Variants in NOD1 observed in about 807,000 individuals in gnomAD.
The protein encoded by NOD1 is nucleotide-binding oligomerization domain-containing protein 1.
A neutral mutation model predicts 81.2 loss-of-function variants in NOD1; 70 were observed. That is an observed-to-expected ratio of 0.86 (90% CI 0.71 to 1.05). The LOEUF (loss-of-function observed/expected upper bound fraction) is 1.05, where lower values mean the gene tolerates loss of function less well. Among genes scored for constraint, NOD1 ranks in the 50% least tolerant of loss-of-function variants. The pLI is 0.00. For synonymous variants in NOD1, 508 were observed against 526.9 expected (o/e 0.96, Z 0.49); for missense variants, 1,233 against 1,228.0 (o/e 1.00, Z -0.06).
intron 8 of NOD1, 112 bp downstream of exon 8, chr7:30,446,855 A>G: frequency 1.2e-6 from 1 of 852,422 alleles, no homozygotes; most frequent in Admixed American, 2.6e-5. Context: ...TGGCCCTGGG[A>G]CAAGTGGAAG....
intron 1 of NOD1, among the ~76,000 whole-genome samples, chr7:30,462,712 G>A (rs1302397836): frequency 6.6e-6 from 1 of 152,096 alleles, no homozygotes; most frequent in Non-Finnish European, 1.5e-5. Context: ...ACTTTGGGAG[G>A]CCAAGGCAGG....
intron 1 of NOD1, among the ~76,000 whole-genome samples, chr7:30,473,020 A>G (rs1303743936): frequency 1.3e-5 from 2 of 152,244 alleles, no homozygotes; most frequent in African/African-American, 4.8e-5. Flanking sequence ...TGAAGCCCCA[A>G]AGTGCCAGAA....
intron 9 of NOD1, among the ~76,000 whole-genome samples, chr7:30,445,186 C>T (rs1192878267): frequency 2.2e-5 from 2 of 92,836 alleles, no homozygotes; most frequent in Non-Finnish European, 3.9e-5. Flanking sequence ...GGGTGCAGCG[C>T]ACCAGCATGG....
chr7:30,434,213 G>C (rs556120079), intron 11 of NOD1, among the ~76,000 whole-genome samples: 3 of 152,226 alleles, frequency 2.0e-5, no homozygotes, highest in Non-Finnish European at 4.4e-5. Context: ...GTTAACAGTA[G>C]AGATCGTATA....
Position 30,451,743 on chromosome 7 carries a change from G to A in NOD1, c.1674C>T (p.Cys558=). 1 of 1,613,836 alleles carries A rather than the reference G, an allele frequency of 6.2e-7. No individual in the cohort carries two copies. ...MPPAGAATTS[C]YPPFLPFQCL... ...ACTGGAACGGGAGGAAGGGAGGATA[G>A]CAGGACGTGGTCGCTGCCCCCGCAG... Residue 558 remains cysteine (C), a synonymous_variant, in exon 6 of 14, where the codon TGC becomes TGT. Transcript: ENST00000222823. The surrounding 1 kb of genome is among the most constrained non-coding windows in gnomAD (Gnocchi z 4.2).
chr7:30,433,081 G>C lies in NOD1; in HGVS notation c.2705+15C>G, dbSNP rs552687799. 544 of 1,576,368 alleles carry C rather than the reference G, an allele frequency of 3.5e-4. 6 individuals carry two copies. The South Asian group carries it at 5.5e-3, about 16-fold the overall frequency. ...AAAGTAGCACAGTCTGAAATTGTAA[G>C]GCTCTCTGAGTTACCATAAATGCTT... On this transcript the variant is annotated intron_variant, in intron 12 of 13. Transcript: ENST00000222823.
At chr7:30,433,303 C>A in intron 11 of NOD1, 124 bp from the exon 12 acceptor site, 1 of 701,614 alleles carries the variant, frequency 1.4e-6, no homozygotes, top group South Asian at 1.8e-5. Flanking sequence ...TTGCTGAGAA[C>A]CCAGAAAACA....
chr7:30,429,742 A>G (rs763193758), intron 12 of NOD1, among the ~76,000 whole-genome samples: 3 of 152,198 alleles, frequency 2.0e-5, no homozygotes, highest in Non-Finnish European at 4.4e-5. Flanking sequence ...CATAATCAAA[A>G]TATTTGGGGC....
chr7:30,429,667 T>G (rs1783773911), intron 12 of NOD1, among the ~76,000 whole-genome samples: 1 of 152,228 alleles, frequency 6.6e-6, no homozygotes, highest in Non-Finnish European at 1.5e-5. Flanking sequence ...TCTGTTTGTT[T>G]TTATAGTGAA....
intron 7 of NOD1, chr7:30,447,258 G>A (rs2128037592): frequency 3.0e-6 from 2 of 675,446 alleles, no homozygotes; most frequent in South Asian, 1.7e-5. Flanking sequence ...CCTGAGACAA[G>A]TCACGTTACC....
intron 1 of NOD1, chr7:30,460,715 G>A (rs1469797422): frequency 2.0e-6 from 2 of 981,904 alleles, no homozygotes; most frequent in African/African-American, 3.5e-5. Flanking sequence ...TGTGGGCAGT[G>A]AGGGAGCCCC....
rs1461644269 is a variant in NOD1 at position 30,467,257 on chromosome 7, C to T, written c.-351-7216G>A. On this transcript the variant is annotated intron_variant, in intron 1 of 13. Transcript: ENST00000222823. This position sits in a 1 kb window ranked among gnomAD's most constrained non-coding sequence, Gnocchi z 4.5. Reference sequence around the variant, plus strand: ...TGAATGTAAATGCAAAGAAAACCACCTGTGAGAAGACACACGGTGTGAGAA... The same window carrying T: ...TGAATGTAAATGCAAAGAAAACCACTTGTGAGAAGACACACGGTGTGAGAA... Among the ~76,000 whole-genome samples the T allele has an allele frequency of 6.6e-6, 1 of 152,198 alleles. No homozygotes were observed. Among genetic ancestry groups the T allele is most frequent in the Non-Finnish European group, 1.5e-5 (1 of 68,044 alleles).
chr7:30,467,723 CAG>C lies in NOD1; in HGVS notation c.-351-7684_-351-7683del, dbSNP rs1461427274. 1.3e-5 allele frequency among the ~76,000 whole-genome samples: 2 copies of C among 152,080 alleles called. No homozygotes were observed. The highest frequency in any genetic ancestry group is 2.9e-5 in the Non-Finnish European group (2 of 68,020). On this transcript the variant is annotated intron_variant, in intron 1 of 13. Transcript: ENST00000222823. The surrounding 1 kb of genome is among the most constrained non-coding windows in gnomAD (Gnocchi z 4.5). ...TTTTGTTTGTTTGTTTGTTTTGAGA[CAG>C]AGTTTCACTCTTGTCACCCAGGCTG...
At chr7:30,450,034 A>T (rs1785522408) in intron 6 of NOD1, among the ~76,000 whole-genome samples, 1 of 152,232 alleles carries the variant, frequency 6.6e-6, no homozygotes, top group South Asian at 2.1e-4. Context: ...CCTACTAAAA[A>T]TACAAAAAAC....
chr7:30,454,969 C>A lies in NOD1; in HGVS notation c.376+168G>T, dbSNP rs56044411. 4.4e-3 allele frequency among the ~76,000 whole-genome samples: 670 copies of A among 152,328 alleles called. 13 individuals are homozygous for A. In the East Asian group the frequency reaches 0.058, roughly 13 times the overall value. ...CGAGGTGTGGGCAGTTCAATCGCAG[C>A]CACCTGGGCTGCACTTGGGAGACAG... On this transcript the variant is annotated intron_variant, in intron 5 of 13. Coordinates refer to ENST00000222823, the MANE Select transcript of NOD1 (RefSeq NM_006092.4).
intron 10 of NOD1, among the ~76,000 whole-genome samples, chr7:30,437,330 C>A (rs1263107785): frequency 6.6e-6 from 1 of 152,152 alleles, no homozygotes; most frequent in Non-Finnish European, 1.5e-5. Context: ...CCATGGCATG[C>A]ATTTGCCTAT....
chr7:30,434,961 G>A (rs1784258854), intron 11 of NOD1, among the ~76,000 whole-genome samples: 1 of 151,306 alleles, frequency 6.6e-6, no homozygotes, highest in Non-Finnish European at 1.5e-5. Context: ...TGTAGATAGA[G>A]GGTCTCGCTA....
chr7:30,455,227 C>T lies in NOD1; in HGVS notation c.286G>A (p.Ala96Thr). The change falls in exon 5 of 14, where the codon GCC becomes ACC. Residue 96 changes from alanine to threonine, a missense_variant. Coordinates refer to ENST00000222823, the MANE Select transcript of NOD1 (RefSeq NM_006092.4). ...FLYLLQQLAD[A>T]YVDLRPWLLE... The stretch of plus-strand genomic sequence containing the variant: ...AGCCAAGGCCTGAGGTCCACGTAGG[C>T]ATCTGCGAGTTGCTGGAGCAAGTAG... The T allele has an allele frequency of 1.2e-6, 2 of 1,614,162 alleles. No individual in the cohort carries two copies. The highest frequency in any genetic ancestry group is 1.7e-6 in the Non-Finnish European group (2 of 1,180,034).
At chr7:30,428,831 AAAG>A (rs1783694762) in intron 13 of NOD1, among the ~76,000 whole-genome samples, 1 of 152,196 alleles carries the variant, frequency 6.6e-6, no homozygotes, top group African/African-American at 2.4e-5. Context: ...GGGAGGCAAG[AAAG>A]AAGTGGCATG....
Sources: gnomAD v4.1 joint callset for allele counts (sites outside exome capture counted in the v4.1 genomes callset) on GRCh38, gnomAD v4.1.1 for gene constraint, Gnocchi (gnomAD v3.1) non-coding constraint, MANE v1.5 for transcripts, NCBI Gene and HGNC (gene_info 2026-07-23, HGNC 2026-07-21) for gene names.